ADGRL2: variants seen among roughly 807,000 people sequenced by gnomAD.
ADGRL2 encodes adhesion G protein-coupled receptor L2.
In ADGRL2, 44 loss-of-function variants were observed where a neutral mutation model predicts 157.4. That is an observed-to-expected ratio of 0.28 (90% CI 0.22 to 0.36). The LOEUF is 0.36. Among genes scored for constraint, ADGRL2 ranks in the 10% least tolerant of loss-of-function variants. The probability of loss-of-function intolerance (pLI) is 1.00; values close to 1 mark genes in which losing one functional copy is unlikely to be tolerated. For synonymous variants in ADGRL2, 585 were observed against 624.7 expected (o/e 0.94, Z 0.95); for missense variants, 1,510 against 1,768.9 (o/e 0.85, Z 2.63).
intron 1 of ADGRL2, among the ~76,000 whole-genome samples, chr1:81,411,523 A>G (rs1343094403): frequency 6.6e-6 from 1 of 152,212 alleles, no homozygotes; most frequent in Non-Finnish European, 1.5e-5. Flanking sequence ...GTTAGAAGGT[A>G]GCAAAGACAG....
At chr1:81,518,446 A>G (rs1243627967) in intron 2 of ADGRL2, among the ~76,000 whole-genome samples, 1 of 152,238 alleles carries the variant, frequency 6.6e-6, no homozygotes, top group South Asian at 2.1e-4. Flanking sequence ...CAATGTGGTT[A>G]CACTCAGGAG....
intron 2 of ADGRL2, among the ~76,000 whole-genome samples, chr1:81,508,399 C>T (rs1401019841): frequency 1.3e-5 from 2 of 152,138 alleles, no homozygotes; most frequent in African/African-American, 4.8e-5. Context: ...AACACGCTGA[C>T]GTTGTACTCA....
chr1:81,651,522 C>A (rs1044541997), intron 3 of ADGRL2, among the ~76,000 whole-genome samples: 2 of 152,044 alleles, frequency 1.3e-5, no homozygotes, highest in African/African-American at 4.8e-5. Context: ...AAATGTTATT[C>A]TTGAAAAAAT....
intron 2 of ADGRL2, among the ~76,000 whole-genome samples, chr1:81,517,965 A>G (rs1535881): frequency 0.18 from 27,308 of 152,226 alleles, 2,779 homozygotes; most frequent in African/African-American, 0.27. Context: ...TAAAATGCGT[A>G]TATCTCTGGG....
chr1:81,519,819 A>AT (rs1382397632), intron 2 of ADGRL2, among the ~76,000 whole-genome samples: 2 of 152,074 alleles, frequency 1.3e-5, no homozygotes, highest in East Asian at 3.9e-4. Context: ...AGGAGCCCTG[A>AT]TTTTGCTTGA....
At chr1:81,562,457 A>G (rs1019193022) in intron 2 of ADGRL2, among the ~76,000 whole-genome samples, 1 of 151,816 alleles carries the variant, frequency 6.6e-6, no homozygotes, top group East Asian at 1.9e-4. Context: ...TGAGACATTA[A>G]CTTTTTCTCT....
chr1:81,746,911 C>T (rs1373965682), intron 1 of ADGRL2, among the ~76,000 whole-genome samples: 7 of 128,176 alleles, frequency 5.5e-5, no homozygotes, highest in South Asian at 2.4e-4. Flanking sequence ...TACACACGTG[C>T]ACACGTATAT....
At chr1:81,945,796 C>T (rs564787595) in intron 6 of ADGRL2, among the ~76,000 whole-genome samples, 2 of 152,148 alleles carry the variant, frequency 1.3e-5, no homozygotes, top group East Asian at 3.9e-4. Context: ...ATATTGACCC[C>T]TTATTCAGCC....
At chr1:81,595,587 G>A (rs1037824089) in intron 3 of ADGRL2, among the ~76,000 whole-genome samples, 1 of 152,098 alleles carries the variant, frequency 6.6e-6, no homozygotes, top group African/African-American at 2.4e-5. Flanking sequence ...CAGTACTGGG[G>A]CAAATGTGGT....
At chr1:81,911,888 T>TTC (rs1553187767) in intron 3 of ADGRL2, among the ~76,000 whole-genome samples, 1 of 150,984 alleles carries the variant, frequency 6.6e-6, no homozygotes, top group African/African-American at 2.4e-5. Context: ...TTTTTTTTTT[T>TTC]TTTTTTGCGG....
intron 1 of ADGRL2, among the ~76,000 whole-genome samples, chr1:81,736,100 G>A (rs966996296): frequency 1.4e-5 from 2 of 143,510 alleles, no homozygotes; most frequent in Non-Finnish European, 3.0e-5. Flanking sequence ...CCGAGATCAC[G>A]CCACTGCAGT....
chr1:81,748,915 G>A (rs1187525691), intron 1 of ADGRL2, among the ~76,000 whole-genome samples: 7 of 152,126 alleles, frequency 4.6e-5, no homozygotes, highest in Non-Finnish European at 1.5e-5. Context: ...TGCTCCACCC[G>A]CCTTGGCCTC....
chr1:81,568,210 A>G (rs2080606703), intron 2 of ADGRL2, among the ~76,000 whole-genome samples: 1 of 152,130 alleles, frequency 6.6e-6, no homozygotes, highest in African/African-American at 2.4e-5. Flanking sequence ...CTTCCATGCA[A>G]TGTATTTCTA....
At chr1:81,658,881 AG>A (rs1182223499) in intron 3 of ADGRL2, among the ~76,000 whole-genome samples, 11 of 151,470 alleles carry the variant, frequency 7.3e-5, no homozygotes, top group African/African-American at 2.7e-4. Context: ...CCTCCTGAGT[AG>A]CTGGGATTAC....
chr1:81,953,641 C>G (rs949314461), intron 10 of ADGRL2, among the ~76,000 whole-genome samples: 1 of 152,136 alleles, frequency 6.6e-6, no homozygotes, highest in African/African-American at 2.4e-5. Flanking sequence ...CCACTCCAGC[C>G]GGGTTTTCTC....
intron 1 of ADGRL2, among the ~76,000 whole-genome samples, chr1:81,716,340 G>T (rs1174758445): frequency 6.6e-6 from 1 of 152,072 alleles, no homozygotes; most frequent in East Asian, 1.9e-4. Context: ...TCTGTAAAAT[G>T]GTTACAATAA....
intron 1 of ADGRL2, among the ~76,000 whole-genome samples, chr1:81,748,914 C>G (rs552625911): frequency 9.9e-5 from 15 of 152,158 alleles, no homozygotes; most frequent in East Asian, 3.9e-4. Flanking sequence ...GTGCTCCACC[C>G]GCCTTGGCCT....
At chr1:81,760,727 T>G (rs1005280461) in intron 1 of ADGRL2, among the ~76,000 whole-genome samples, 1 of 151,916 alleles carries the variant, frequency 6.6e-6, no homozygotes, top group Non-Finnish European at 1.5e-5. Context: ...AATACTTTTT[T>G]TTTTTTTTAG....
intron 2 of ADGRL2, among the ~76,000 whole-genome samples, chr1:81,858,417 A>G (rs1166710136): frequency 3.3e-5 from 5 of 152,296 alleles, no homozygotes; most frequent in African/African-American, 9.6e-5. Flanking sequence ...CTTTTTTGGT[A>G]GTTGGTGGTG....
Sources: allele counts gnomAD v4.1 joint callset (sites outside exome capture counted in the v4.1 genomes callset), GRCh38; gene constraint gnomAD v4.1.1; transcripts MANE v1.5; gene names NCBI Gene and HGNC (gene_info 2026-07-23, HGNC 2026-07-21).